PRKN: variants seen among roughly 807,000 people sequenced by gnomAD.
PRKN encodes the protein parkin RBR E3 ubiquitin protein ligase.
PRKN carries 56 observed loss-of-function variants against 59.5 expected under a neutral mutation model. The observed-to-expected ratio is 0.94, with a 90% CI of 0.76 to 1.18. PRKN has a LOEUF of 1.18. Among genes scored for constraint, PRKN ranks in the 50% most tolerant of loss-of-function variants. The probability of loss-of-function intolerance (pLI) is 0.00; values close to 1 mark genes in which losing one functional copy is unlikely to be tolerated. For synonymous variants in PRKN, 250 were observed against 222.1 expected (o/e 1.13, Z -1.12); for missense variants, 657 against 596.4 (o/e 1.10, Z -1.06).
In PRKN at chr6:162,407,050, C is replaced by T. The variant is rs75485706; in HGVS notation, c.171+36260G>A. Among the ~76,000 whole-genome samples, 338 of 152,220 alleles carry T rather than the reference C, an allele frequency of 2.2e-3. 5 individuals are homozygous for T. Among genetic ancestry groups the T allele is most frequent in the East Asian group, 0.016 (81 of 5,170 alleles). On this transcript the variant is annotated intron_variant, in intron 2 of 11. Coordinates refer to ENST00000366898, the MANE Select transcript of PRKN (RefSeq NM_004562.3). ...CAGTTACTAGATCATGTGATCTAAA[C>T]GAGGGTTGGAAATACCCCCATTTAT...
At chr6:162,012,247 A>C (rs991511035) in intron 5 of PRKN, among the ~76,000 whole-genome samples, 2 of 151,476 alleles carry the variant, frequency 1.3e-5, no homozygotes, top group Non-Finnish European at 2.9e-5. Context: ...TGTACAAAGA[A>C]CTCTTACATA....
intron 6 of PRKN, among the ~76,000 whole-genome samples, chr6:161,821,807 G>A (rs528964081): frequency 3.2e-5 from 4 of 126,728 alleles, no homozygotes; most frequent in Non-Finnish European, 1.6e-5. Context: ...GGAGTGCAGT[G>A]GTGCAATCTC....
intron 2 of PRKN, among the ~76,000 whole-genome samples, chr6:162,388,685 T>A (rs1786981128): frequency 6.6e-6 from 1 of 152,126 alleles, no homozygotes; most frequent in Non-Finnish European, 1.5e-5. Context: ...CTGTGCCACG[T>A]ACTGTGCTCG....
chr6:162,549,390 T>A (rs1779244434), intron 1 of PRKN, among the ~76,000 whole-genome samples: 1 of 152,186 alleles, frequency 6.6e-6, no homozygotes, highest in Non-Finnish European at 1.5e-5. Flanking sequence ...AAATGCTTGG[T>A]AGTTCTGCTA....
chr6:162,633,482 G>C (rs1238718353), intron 1 of PRKN, among the ~76,000 whole-genome samples: 1 of 148,160 alleles, frequency 6.7e-6, no homozygotes, highest in Non-Finnish European at 1.5e-5. Flanking sequence ...CACTGGGAAG[G>C]GAGGACTTAT....
At chr6:161,624,338 T>C (rs1206764463) in intron 7 of PRKN, among the ~76,000 whole-genome samples, 1 of 152,244 alleles carries the variant, frequency 6.6e-6, no homozygotes, top group Non-Finnish European at 1.5e-5. Flanking sequence ...GTTGAGATGA[T>C]CTTTGGAATA....
intron 7 of PRKN, among the ~76,000 whole-genome samples, chr6:161,639,692 C>A (rs887510798): frequency 1.3e-5 from 2 of 152,208 alleles, no homozygotes; most frequent in Admixed American, 1.3e-4. Context: ...GAGTGAGAGC[C>A]AGCACCAACC....
At chr6:161,829,184 C>G (rs942503448) in intron 6 of PRKN, among the ~76,000 whole-genome samples, 3 of 152,142 alleles carry the variant, frequency 2.0e-5, no homozygotes, top group African/African-American at 7.2e-5. Context: ...CAAGATCACA[C>G]GATTGCACTC....
intron 9 of PRKN, among the ~76,000 whole-genome samples, chr6:161,412,196 TC>T (rs1399226883): frequency 6.8e-6 from 1 of 147,736 alleles, no homozygotes; most frequent in African/African-American, 2.5e-5. Context: ...ATTCCTCCAC[TC>T]ACTCTTTCCT....
chr6:161,435,342 T>G (rs1788832395), intron 9 of PRKN, among the ~76,000 whole-genome samples: 1 of 152,208 alleles, frequency 6.6e-6, no homozygotes, highest in African/African-American at 2.4e-5. Flanking sequence ...AGCCATGCTC[T>G]GACGCCTCCT....
intron 6 of PRKN, among the ~76,000 whole-genome samples, chr6:161,922,752 G>A (rs1479559069): frequency 3.3e-5 from 5 of 152,160 alleles, no homozygotes; most frequent in Non-Finnish European, 7.4e-5. Context: ...ATGATTACAG[G>A]AGTCTAAGAA....
chr6:162,648,763 C>T (rs1002988640), intron 1 of PRKN, among the ~76,000 whole-genome samples: 2 of 152,154 alleles, frequency 1.3e-5, no homozygotes, highest in African/African-American at 2.4e-5. Flanking sequence ...ATAGAGTGTG[C>T]ACAAACATAC....
intron 6 of PRKN, among the ~76,000 whole-genome samples, chr6:161,948,158 G>A (rs923499483): frequency 2.0e-5 from 3 of 151,962 alleles, no homozygotes; most frequent in African/African-American, 7.3e-5. Context: ...ACTAATTTCT[G>A]TATTTTTTAG....
intron 4 of PRKN, among the ~76,000 whole-genome samples, chr6:162,188,676 T>C (rs1031179383): frequency 6.6e-6 from 1 of 151,598 alleles, no homozygotes; most frequent in East Asian, 1.9e-4. Flanking sequence ...TTTTTAATGC[T>C]TGAATCGTAA....
intron 1 of PRKN, among the ~76,000 whole-genome samples, chr6:162,508,512 C>A (rs970651428): frequency 3.3e-5 from 5 of 152,138 alleles, no homozygotes; most frequent in African/African-American, 1.2e-4. Flanking sequence ...TGTTTTCTGA[C>A]ACACTAAAAG....
chr6:161,457,080 T>G lies in PRKN; in HGVS notation c.1084-70203A>C, dbSNP rs1363052749. Among the ~76,000 whole-genome samples, 3 of 152,238 alleles carry G rather than the reference T, an allele frequency of 2.0e-5. No homozygotes were observed. Among genetic ancestry groups the G allele is most frequent in the Admixed American group, 6.5e-5 (1 of 15,282 alleles). On this transcript the variant is annotated intron_variant, in intron 9 of 11. Coordinates refer to ENST00000366898, the MANE Select transcript of PRKN (RefSeq NM_004562.3). This position sits in a 1 kb window ranked among gnomAD's most constrained non-coding sequence, Gnocchi z 5.0. ...ACTTCCTCCTTTAACAAATATCCAC[T>G]GAGCGTCTTCGCTACGCAAGGCTCT...
rs1176296084 is a variant in PRKN at position 161,454,246 on chromosome 6, C to T, written c.1084-67369G>A. ...GTCGGGGTGGCATTAGCACTGACGG[C>T]ACATAGCCTGTGTCTTTTGAGCTCA... On this transcript the variant is annotated intron_variant, in intron 9 of 11. Coordinates refer to ENST00000366898, the MANE Select transcript of PRKN (RefSeq NM_004562.3). This position sits in a 1 kb window ranked among gnomAD's most constrained non-coding sequence, Gnocchi z 4.6. Among the ~76,000 whole-genome samples the T allele has an allele frequency of 6.6e-6, 1 of 152,158 alleles. No individual in the cohort carries two copies. The highest frequency in any genetic ancestry group is 1.5e-5 in the Non-Finnish European group (1 of 68,042).
chr6:161,539,631 T>G (rs1193375169), intron 9 of PRKN, among the ~76,000 whole-genome samples: 1 of 152,218 alleles, frequency 6.6e-6, no homozygotes, highest in African/African-American at 2.4e-5. Context: ...AAAAAAGTAA[T>G]TCATAAACTC....
chr6:161,368,381 T>TTATATATATA (rs1562399363), intron 10 of PRKN, among the ~76,000 whole-genome samples: 1 of 70,806 alleles, frequency 1.4e-5, no homozygotes, highest in Non-Finnish European at 3.0e-5. Flanking sequence ...ACCTCAGTCT[T>TTATATATATA]GATATATATA....
Sources: gnomAD v4.1 joint callset for allele counts (sites outside exome capture counted in the v4.1 genomes callset) on GRCh38, gnomAD v4.1.1 for gene constraint, Gnocchi (gnomAD v3.1) non-coding constraint, MANE v1.5 for transcripts, NCBI Gene and HGNC (gene_info 2026-07-23, HGNC 2026-07-21) for gene names.